The following NELL2 variants were observed in gnomAD, a reference collection of about 807,000 sequenced individuals.
NELL2 encodes protein kinase C-binding protein NELL2.
NELL2 carries 41 observed loss-of-function variants against 109.6 expected under a neutral mutation model. That is an observed-to-expected ratio of 0.37 (90% CI 0.29 to 0.49). NELL2 has a LOEUF of 0.49. Ranked by LOEUF, NELL2 falls within the 20% of genes least tolerant of loss-of-function variation. The probability of loss-of-function intolerance (pLI) is 0.98; values close to 1 mark genes in which losing one functional copy is unlikely to be tolerated. For missense variants in NELL2, 900 were observed against 1,008.3 expected (o/e 0.89, Z 1.45); for synonymous variants, 355 against 344.7 (o/e 1.03, Z -0.33).
intron 3 of NELL2, among the ~76,000 whole-genome samples, chr12:44,806,914 G>A (rs906431346): frequency 6.6e-6 from 1 of 151,520 alleles, no homozygotes; most frequent in African/African-American, 2.4e-5. Flanking sequence ...ATACAAAAAT[G>A]GTGTTGGAAT....
At chr12:44,797,173 G>T (rs1030221569) in intron 3 of NELL2, among the ~76,000 whole-genome samples, 6 of 152,112 alleles carry the variant, frequency 3.9e-5, no homozygotes, top group African/African-American at 1.4e-4. Context: ...GGTAGTATCT[G>T]CTTAATGCTT....
intron 2 of NELL2, among the ~76,000 whole-genome samples, chr12:44,846,047 T>C (rs766113030): frequency 9.8e-5 from 15 of 152,302 alleles, no homozygotes; most frequent in Non-Finnish European, 1.6e-4. Flanking sequence ...AAAATGGACT[T>C]GGAACATTTA....
chr12:44,573,192 A>T (rs2136198425), intron 15 of NELL2, among the ~76,000 whole-genome samples: 1 of 152,356 alleles, frequency 6.6e-6, no homozygotes, highest in East Asian at 1.9e-4. Flanking sequence ...AAGCCATAGG[A>T]AATTATGGAT....
intron 15 of NELL2, among the ~76,000 whole-genome samples, chr12:44,551,286 G>T (rs1565911473): frequency 6.6e-6 from 1 of 152,028 alleles, no homozygotes; most frequent in Non-Finnish European, 1.5e-5. Flanking sequence ...GAAAATCCAG[G>T]TATCATTCGT....
Position 44,732,370 on chromosome 12 carries a change from T to C in NELL2, c.995-17629A>G, listed in dbSNP as rs769579741. ...TATGGTTTTTGGCATTAAACACAGA[T>C]AATGAAACAGAATAGAGAGCCCAGA... On this transcript the variant is annotated intron_variant, in intron 9 of 19. Coordinates refer to ENST00000429094, the MANE Select transcript of NELL2 (RefSeq NM_001145108.2). Among the ~76,000 whole-genome samples, 60 of 151,818 alleles carry C rather than the reference T, an allele frequency of 4.0e-4. 1 individual carries two copies. The highest frequency in any genetic ancestry group is 2.8e-4 in the Non-Finnish European group (19 of 67,812).
At chr12:44,640,425 T>C (rs1355120130) in intron 13 of NELL2, among the ~76,000 whole-genome samples, 1 of 152,332 alleles carries the variant, frequency 6.6e-6, no homozygotes, top group South Asian at 2.1e-4. Context: ...TGTCCATCTC[T>C]ACAAATAATT....
At chr12:44,796,188 C>T (rs1566416588) in intron 3 of NELL2, among the ~76,000 whole-genome samples, 1 of 152,080 alleles carries the variant, frequency 6.6e-6, no homozygotes, top group Non-Finnish European at 1.5e-5. Context: ...AAAGAGTAAG[C>T]ACTCCATATG....
chr12:44,642,116 T>C (rs1946880934), intron 13 of NELL2, among the ~76,000 whole-genome samples: 1 of 152,212 alleles, frequency 6.6e-6, no homozygotes, highest in African/African-American at 2.4e-5. Flanking sequence ...GCAGTCACTA[T>C]TGCACTTTTC....
At chr12:44,777,933 T>G (rs1046435572) in intron 5 of NELL2, among the ~76,000 whole-genome samples, 14 of 152,158 alleles carry the variant, frequency 9.2e-5, no homozygotes, top group Non-Finnish European at 1.8e-4. Context: ...ATAGAAAATT[T>G]TATCACATGT....
At chr12:44,542,766 T>C (rs1310528689) in intron 15 of NELL2, among the ~76,000 whole-genome samples, 1 of 152,146 alleles carries the variant, frequency 6.6e-6, no homozygotes, top group African/African-American at 2.4e-5. Flanking sequence ...ACTACAAGTA[T>C]TATGGGAATA....
chr12:44,701,130 GTCAAAACATCCTCAAA>G (rs1188555339), intron 12 of NELL2, among the ~76,000 whole-genome samples: 1 of 151,980 alleles, frequency 6.6e-6, no homozygotes, highest in Non-Finnish European at 1.5e-5. Flanking sequence ...CTTCTAAGAA[GTCAAAACATCCTCAAA>G]GTTAGCAACC....
intron 15 of NELL2, among the ~76,000 whole-genome samples, chr12:44,599,552 A>G (rs949205209): frequency 3.9e-5 from 6 of 152,158 alleles, no homozygotes; most frequent in African/African-American, 1.2e-4. Context: ...ACACTGAGAG[A>G]TAAAGAGATG....
intron 15 of NELL2, among the ~76,000 whole-genome samples, chr12:44,575,531 T>G (rs1255389038): frequency 6.6e-6 from 1 of 152,234 alleles, no homozygotes; most frequent in Non-Finnish European, 1.5e-5. Context: ...AGTCTCAGTC[T>G]TTGGTCTTGC....
chr12:44,708,717 G>A (rs1376809835), intron 11 of NELL2, among the ~76,000 whole-genome samples: 2 of 152,126 alleles, frequency 1.3e-5, no homozygotes, highest in Admixed American at 6.6e-5. Context: ...ATTTCAGTTT[G>A]AGGATTATCT....
At chr12:44,598,870 C>CAG (rs1945075136) in intron 15 of NELL2, among the ~76,000 whole-genome samples, 1 of 148,514 alleles carries the variant, frequency 6.7e-6, no homozygotes, top group Non-Finnish European at 1.5e-5. Context: ...CACACACACA[C>CAG]ACACACACAC....
At chr12:44,615,251 G>A (rs577862947) in intron 13 of NELL2, among the ~76,000 whole-genome samples, 2 of 152,092 alleles carry the variant, frequency 1.3e-5, no homozygotes, top group Non-Finnish European at 2.9e-5. Flanking sequence ...ATGTGTTGGT[G>A]AGGGCAGGTG....
At chr12:44,804,917 G>T (rs1421507328) in intron 3 of NELL2, among the ~76,000 whole-genome samples, 1 of 151,774 alleles carries the variant, frequency 6.6e-6, no homozygotes, top group Non-Finnish European at 1.5e-5. Flanking sequence ...TAAATCCTGT[G>T]GAAGATGCTA....
chr12:44,653,286 A>G (rs575981831), intron 13 of NELL2, among the ~76,000 whole-genome samples: 1 of 152,342 alleles, frequency 6.6e-6, no homozygotes, highest in South Asian at 2.1e-4. Flanking sequence ...ATTCCATTTT[A>G]AAGATGAAGA....
In NELL2 at chr12:44,884,545, G is replaced by A. The variant is rs2710430; in HGVS notation, c.39-8645C>T. Among the ~76,000 whole-genome samples, 1,392 of 151,934 alleles carry A rather than the reference G, an allele frequency of 9.2e-3. 35 individuals are homozygous for A. Among genetic ancestry groups the A allele is most frequent in the African/African-American group, 0.027 (1,123 of 41,322 alleles). On this transcript the variant is annotated intron_variant, in intron 1 of 20. Transcript: ENST00000333837. The stretch of plus-strand genomic sequence containing the variant: ...AAAGGGAAACACTTCCCAACTTTTC[G>A]TATGACATTAGCCAAAACCAGACAA...
Sources: allele counts gnomAD v4.1 joint callset (sites outside exome capture counted in the v4.1 genomes callset), GRCh38; gene constraint gnomAD v4.1.1; transcripts MANE v1.5; gene names NCBI Gene and HGNC (gene_info 2026-07-23, HGNC 2026-07-21).